Variants in SNCG observed in about 807,000 individuals in gnomAD.
The protein encoded by SNCG is synuclein gamma.
In SNCG, 13 loss-of-function variants were observed where a neutral mutation model predicts 16.0. That is an observed-to-expected ratio of 0.81 (90% CI 0.53 to 1.29). The LOEUF (loss-of-function observed/expected upper bound fraction) is 1.29, where lower values mean the gene tolerates loss of function less well. Ranked by LOEUF, SNCG falls within the 50% of genes most tolerant of loss-of-function variation. The pLI is 0.00. For missense variants in SNCG, 154 were observed against 168.5 expected (o/e 0.91, Z 0.48); for synonymous variants, 66 against 66.3 (o/e 1.00, Z 0.02).
chr10:86,958,499 C>CCAA, upstream of SNCG: 5 of 1,111,540 alleles, frequency 4.5e-6, no homozygotes, highest in Non-Finnish European at 4.5e-6. Context: ...AACCTCCTTC[C>CCAA]CTCCCTCCCT....
upstream of SNCG, among the ~76,000 whole-genome samples, chr10:86,956,169 C>T (rs1844225065): frequency 6.6e-6 from 1 of 151,470 alleles, no homozygotes; most frequent in Non-Finnish European, 1.5e-5. Context: ...TGCCGCCCCA[C>T]CACCGAGAAT....
In SNCG at chr10:86,958,717, G is replaced by A. The variant is rs1844281106; in HGVS notation, c.20G>A (p.Gly7Asp). ...CCCACCATGGATGTCTTCAAGAAGG[G>A]CTTCTCCATCGCCAAGGAGGGCGTG... is the stretch of plus-strand genomic sequence containing the variant. Reference protein sequence around the residue: MDVFKKGFSIAKEGVVG... With the variant: MDVFKKDFSIAKEGVVG... The change falls in exon 1 of 5, where the codon GGC (glycine) becomes GAC (aspartate). Residue 7 changes from glycine (G) to aspartate (D), a missense_variant. By Grantham distance (94) the Gly-to-Asp change is moderately conservative. Coordinates refer to ENST00000372017, the MANE Select transcript of SNCG (RefSeq NM_003087.3). The A allele has an allele frequency of 4.3e-6, 7 of 1,614,082 alleles. No homozygotes were observed. The East Asian group carries it at 1.6e-4, about 36-fold the overall frequency.
Position 86,963,252 on chromosome 10 carries a change from C to A in SNCG, c.*267C>A. ...AATGATTCCAAATAAAACTTGAGCC[C>A]ACTCCTGCCATGCTTCCTCTGGGTG... On this transcript the variant is annotated 3_prime_UTR_variant, in exon 5 of 5. Transcript: ENST00000372017. The A allele has an allele frequency of 2.5e-6, 1 of 403,972 alleles. No individual in the cohort carries two copies. Among genetic ancestry groups the A allele is most frequent in the Non-Finnish European group, 4.4e-6 (1 of 227,118 alleles). The allele number at this position is 403,972 out of a possible 1,614,324, so 25.0% of individuals were successfully genotyped here.
intron 3 of SNCG, among the ~76,000 whole-genome samples, chr10:86,960,656 G>C (rs773713028): frequency 2.6e-5 from 4 of 152,222 alleles, no homozygotes; most frequent in Admixed American, 1.3e-4. Context: ...GCCTTTGTGT[G>C]TGTGTGCACG....
chr10:86,959,452 C>T lies in SNCG; in HGVS notation c.122-181C>T. ...CCCACATTCTGTCCTGTCCCCTTCC[C>T]ATCCATCCACTTCTTCCAGACACAG... On this transcript the variant is annotated intron_variant, in intron 1 of 4. Transcript: ENST00000372017. The surrounding 1 kb of genome is among the most constrained non-coding windows in gnomAD (Gnocchi z 4.3). 1 of 638,522 alleles carries T rather than the reference C, an allele frequency of 1.6e-6. No homozygotes were observed. The highest frequency in any genetic ancestry group is 2.8e-6 in the Non-Finnish European group (1 of 355,508). The allele number at this position is 638,522 out of a possible 1,614,324, so 39.6% of individuals were successfully genotyped here.
Position 86,959,702 on chromosome 10 carries a change from ATGGGGGATAGGACCCC to A in SNCG, c.163+34_163+49del. The A allele has an allele frequency of 6.3e-7, 1 of 1,587,000 alleles. No homozygotes were observed. The highest frequency in any genetic ancestry group is 8.6e-7 in the Non-Finnish European group (1 of 1,164,310). On this transcript the variant is annotated intron_variant, in intron 2 of 4. Transcript: ENST00000372017. The surrounding 1 kb of genome is among the most constrained non-coding windows in gnomAD (Gnocchi z 4.3). Reference sequence around the variant, plus strand: ...GAGAAGCCCCAGGGCCAGGGGACACATGGGGGATAGGACCCCTGGGGCTCCTGCATCCTAGTGCTGG... The same window carrying A: ...GAGAAGCCCCAGGGCCAGGGGACACATGGGGCTCCTGCATCCTAGTGCTGG...
Position 86,959,751 on chromosome 10 carries a change from A to T in SNCG, c.163+77A>T. On this transcript the variant is annotated intron_variant, in intron 2 of 4. Coordinates refer to ENST00000372017, the MANE Select transcript of SNCG (RefSeq NM_003087.3). This position sits in a 1 kb window ranked among gnomAD's most constrained non-coding sequence, Gnocchi z 4.3. ...CCTGCATCCTAGTGCTGGGGCTCAA[A>T]CCTAGAGTCCTGCCTTACCCCCAAC... 1 of 1,424,160 alleles carries T rather than the reference A, an allele frequency of 7.0e-7. No individual in the cohort carries two copies. The highest frequency in any genetic ancestry group is 9.6e-7 in the Non-Finnish European group (1 of 1,045,480). 88.2% of individuals were successfully genotyped at this position (1,424,160 alleles called of 1,614,324 possible). A position where few individuals can be genotyped will look rare whatever the true frequency, so the allele number is the denominator to read the frequency against.
In SNCG at chr10:86,959,696, G is replaced by A; in HGVS notation, c.163+22G>A. On this transcript the variant is annotated intron_variant, in intron 2 of 4. Coordinates refer to ENST00000372017, the MANE Select transcript of SNCG (RefSeq NM_003087.3). The surrounding 1 kb of genome is among the most constrained non-coding windows in gnomAD (Gnocchi z 4.3). Reference sequence around the variant, plus strand: ...TCAGGTGAGAAGCCCCAGGGCCAGGGGACACATGGGGGATAGGACCCCTGG... The same window carrying A: ...TCAGGTGAGAAGCCCCAGGGCCAGGAGACACATGGGGGATAGGACCCCTGG... 6.3e-7 allele frequency: 1 copy of A among 1,592,246 alleles called. No homozygotes were observed. Among genetic ancestry groups the A allele is most frequent in the Non-Finnish European group, 8.6e-7 (1 of 1,167,690 alleles).
upstream of SNCG, chr10:86,957,538 T>C: frequency 1.2e-6 from 2 of 1,608,030 alleles, no homozygotes; most frequent in Admixed American, 1.7e-5. Flanking sequence ...AAGCTCAGGA[T>C]CATCTTGGTG....
chr10:86,960,411 CAGCACTT>C (rs1217734825), intron 3 of SNCG, among the ~76,000 whole-genome samples: 1 of 152,170 alleles, frequency 6.6e-6, no homozygotes, highest in Non-Finnish European at 1.5e-5. Context: ...GGACGGCTCT[CAGCACTT>C]AGGAGACACC....
upstream of SNCG, chr10:86,957,398 G>A (rs200078398): frequency 2.5e-6 from 4 of 1,613,334 alleles, no homozygotes; most frequent in Admixed American, 1.7e-5. Context: ...GGTCCTTGCC[G>A]GTGTCCTCAG....
upstream of SNCG, chr10:86,957,638 A>T: frequency 6.9e-7 from 1 of 1,450,670 alleles, no homozygotes; most frequent in Non-Finnish European, 9.2e-7. Flanking sequence ...CAGGAGGAAA[A>T]GAAAATACGA....
Position 86,959,641 on chromosome 10 carries a change from A to G in SNCG, c.130A>G (p.Thr44Ala), listed in dbSNP as rs11550197. ...KEGVMYVGAK[T>A]KENVVQSVTS... ...CTCCATTTCCTCCCCAGGAGCCAAGACCAAGGAGAATGTTGTACAGAGCGT... is the reference window on the plus strand; with the variant it reads ...CTCCATTTCCTCCCCAGGAGCCAAGGCCAAGGAGAATGTTGTACAGAGCGT... The change falls in exon 2 of 5, where the codon ACC becomes GCC. Residue 44 changes from threonine to alanine, a missense_variant. Physicochemically the swap from Thr to Ala is moderately conservative, Grantham distance 58. Coordinates refer to ENST00000372017, the MANE Select transcript of SNCG (RefSeq NM_003087.3). The surrounding 1 kb of genome is among the most constrained non-coding windows in gnomAD (Gnocchi z 4.3). The G allele has an allele frequency of 6.2e-7, 1 of 1,613,466 alleles. No homozygotes were observed. Among genetic ancestry groups the G allele is most frequent in the Non-Finnish European group, 8.5e-7 (1 of 1,179,798 alleles).
At chr10:86,956,420 A>G (rs941397423), upstream of SNCG, among the ~76,000 whole-genome samples, 3 of 152,174 alleles carry the variant, frequency 2.0e-5, no homozygotes, top group Admixed American at 6.5e-5. Context: ...TACACCGCAC[A>G]GAAGTGTAAG....
chr10:86,959,168 G>A lies in SNCG; in HGVS notation c.121+350G>A, dbSNP rs78801716. 0.014 allele frequency among the ~76,000 whole-genome samples: 2,106 copies of A among 152,206 alleles called. 42 individuals carry two copies. Among genetic ancestry groups the A allele is most frequent in the African/African-American group, 0.047 (1,953 of 41,528 alleles). On this transcript the variant is annotated intron_variant, in intron 1 of 4. Transcript: ENST00000372017. This position sits in a 1 kb window ranked among gnomAD's most constrained non-coding sequence, Gnocchi z 4.3. ...CAGGTGGCCCCCACCCTCTCCACAC[G>A]GGAGCGGCTACAGCCAGGTCACGGA...
At chr10:86,960,273 G>T (rs950697373) in intron 3 of SNCG, 145 bp downstream of exon 3, 3 of 776,124 alleles carry the variant, frequency 3.9e-6, no homozygotes, top group Non-Finnish European at 6.1e-6. Context: ...CTGAGCGCCG[G>T]CATGGGGTGG....
At chr10:86,958,198 C>A (rs1392407695), upstream of SNCG, 8 of 967,058 alleles carry the variant, frequency 8.3e-6, no homozygotes, top group African/African-American at 1.8e-5. Flanking sequence ...ACCTAACAGG[C>A]CTATGTGGCC....
chr10:86,960,235 C>A, intron 3 of SNCG, 107 bp downstream of exon 3: 2 of 1,117,624 alleles, frequency 1.8e-6, no homozygotes, highest in Non-Finnish European at 2.5e-6. Context: ...ACACGGGGGG[C>A]TGCGGCTGGC....
chr10:86,959,461 A>C lies in SNCG; in HGVS notation c.122-172A>C. The C allele has an allele frequency of 1.6e-6, 1 of 640,660 alleles. No individual in the cohort carries two copies. Among genetic ancestry groups the C allele is most frequent in the East Asian group, 2.8e-5 (1 of 36,362 alleles). The allele number at this position is 640,660 out of a possible 1,614,324, so 39.7% of individuals were successfully genotyped here. Reference sequence around the variant, plus strand: ...TGTCCTGTCCCCTTCCCATCCATCCACTTCTTCCAGACACAGCAGGAAGAG... The same window carrying C: ...TGTCCTGTCCCCTTCCCATCCATCCCCTTCTTCCAGACACAGCAGGAAGAG... On this transcript the variant is annotated intron_variant, in intron 1 of 4. Coordinates refer to ENST00000372017, the MANE Select transcript of SNCG (RefSeq NM_003087.3). The surrounding 1 kb of genome is among the most constrained non-coding windows in gnomAD (Gnocchi z 4.3).
Sources: allele counts gnomAD v4.1 joint callset (sites outside exome capture counted in the v4.1 genomes callset), GRCh38; gene constraint gnomAD v4.1.1; non-coding constraint Gnocchi (gnomAD v3.1); transcripts MANE v1.5; gene names NCBI Gene and HGNC (gene_info 2026-07-23, HGNC 2026-07-21).